The following MAJIN variants were observed in gnomAD, a reference collection of about 807,000 sequenced individuals.
MAJIN encodes membrane anchored junction protein.
A neutral mutation model predicts 30.2 loss-of-function variants in MAJIN; 27 were observed. That is an observed-to-expected ratio of 0.89 (90% CI 0.66 to 1.23). The LOEUF (loss-of-function observed/expected upper bound fraction) is 1.23, where lower values mean the gene tolerates loss of function less well. Ranked by LOEUF, MAJIN falls within the 50% of genes most tolerant of loss-of-function variation. The pLI is 0.00. For synonymous variants in MAJIN, 78 were observed against 91.6 expected, an observed-to-expected ratio of 0.85 and a Z score of 0.85; for missense variants, 253 against 260.3, an observed-to-expected ratio of 0.97 and a Z score of 0.19.
chr11:64,942,665 A>T (rs1490595189), intron 8 of MAJIN, among the ~76,000 whole-genome samples: 1 of 152,098 alleles, frequency 6.6e-6, no homozygotes, highest in Non-Finnish European at 1.5e-5. Flanking sequence ...CTCCTCACAA[A>T]CCGCTCAAAT....
At chr11:64,970,648 AGCC>A (rs1945885770) in intron 1 of MAJIN, among the ~76,000 whole-genome samples, 1 of 151,490 alleles carries the variant, frequency 6.6e-6, no homozygotes, top group Non-Finnish European at 1.5e-5. Flanking sequence ...TACAGGCATG[AGCC>A]ACCGTGCCTG....
chr11:64,940,278 A>G (rs1430648244), intron 9 of MAJIN, among the ~76,000 whole-genome samples: 1 of 152,198 alleles, frequency 6.6e-6, no homozygotes, highest in Admixed American at 6.5e-5. Context: ...ACATTTCTAT[A>G]AAGTTTATCA....
intron 1 of MAJIN, among the ~76,000 whole-genome samples, chr11:64,962,018 C>A (rs868341009): frequency 6.6e-6 from 1 of 152,096 alleles, no homozygotes; most frequent in South Asian, 2.1e-4. Flanking sequence ...AACTCCTGGC[C>A]TCAAGTGATC....
At chr11:64,967,237 G>A (rs1263519140) in intron 1 of MAJIN, among the ~76,000 whole-genome samples, 3 of 151,742 alleles carry the variant, frequency 2.0e-5, no homozygotes, top group Non-Finnish European at 2.9e-5. Context: ...GTGAAAGCCC[G>A]CCTCTACTAG....
At chr11:64,941,851 G>C (rs1945384125) in intron 8 of MAJIN, among the ~76,000 whole-genome samples, 1 of 152,176 alleles carries the variant, frequency 6.6e-6, no homozygotes, top group Non-Finnish European at 1.5e-5. Flanking sequence ...GTCAGTCACA[G>C]CAGGGCATTC....
At chr11:64,970,104 C>G (rs1945874520) in intron 1 of MAJIN, among the ~76,000 whole-genome samples, 1 of 152,052 alleles carries the variant, frequency 6.6e-6, no homozygotes. Flanking sequence ...TGACACTTGC[C>G]TGTAATCCCA....
chr11:64,942,717 A>T (rs1052494114), intron 8 of MAJIN, among the ~76,000 whole-genome samples: 1 of 152,162 alleles, frequency 6.6e-6, no homozygotes, highest in Non-Finnish European at 1.5e-5. Context: ...ATTCCTATAA[A>T]AGCAACAGGG....
intron 4 of MAJIN, among the ~76,000 whole-genome samples, chr11:64,952,516 C>T (rs1319864332): frequency 6.6e-6 from 1 of 152,050 alleles, no homozygotes; most frequent in East Asian, 1.9e-4. Flanking sequence ...ATTAATTTAA[C>T]TCTCACAAAA....
chr11:64,958,220 G>A (rs374357637), intron 3 of MAJIN, among the ~76,000 whole-genome samples: 11 of 151,500 alleles, frequency 7.3e-5, no homozygotes, highest in East Asian at 5.8e-4. Context: ...AAAGTGCTGG[G>A]ATTACAGGCG....
At chr11:64,950,259 G>T (rs1945529413) in intron 5 of MAJIN, 96 bp downstream of exon 5, 1 of 1,040,302 alleles carries the variant, frequency 9.6e-7, no homozygotes, top group Non-Finnish European at 1.4e-6. Flanking sequence ...GAACCTGGGA[G>T]GCTGAGGTTG....
At chr11:64,939,192 G>A (rs1837758690) in intron 10 of MAJIN, among the ~76,000 whole-genome samples, 1 of 152,114 alleles carries the variant, frequency 6.6e-6, no homozygotes, top group South Asian at 2.1e-4. Context: ...CCACCTCCCA[G>A]GTTCAAGCGA....
intron 2 of MAJIN, 139 bp from the exon 3 acceptor site, chr11:64,959,561 A>G (rs1215919718): frequency 1.6e-5 from 10 of 628,614 alleles, no homozygotes; most frequent in Non-Finnish European, 2.5e-5. Context: ...TACCAGGATC[A>G]TCACTTGGAA....
intron 3 of MAJIN, among the ~76,000 whole-genome samples, chr11:64,958,189 C>CG (rs1554972280): frequency 6.7e-6 from 1 of 150,000 alleles, no homozygotes; most frequent in Non-Finnish European, 1.5e-5. Context: ...GATTCACCCC[C>CG]CCGCCCCACC....
rs116085655 is a variant in MAJIN at position 64,959,554 on chromosome 11, C to T, written c.-17-132G>A. Reference sequence around the variant, plus strand: ...ACACTAAGCACTACTGCCTACGTACCAGGATCATCACTTGGAACATTCTCC... The same window carrying T: ...ACACTAAGCACTACTGCCTACGTACTAGGATCATCACTTGGAACATTCTCC... On this transcript the variant is annotated intron_variant, in intron 2 of 10. Transcript: ENST00000301896. 211 of 638,210 alleles carry T rather than the reference C, an allele frequency of 3.3e-4. 1 individual carries two copies. In the African/African-American group the frequency reaches 3.7e-3, roughly 11 times the overall value. 39.5% of individuals were successfully genotyped at this position (638,210 alleles called of 1,614,324 possible).
At chr11:64,959,155 C>T (rs1346487813) in intron 3 of MAJIN, 150 bp downstream of exon 3, 3 of 366,020 alleles carry the variant, frequency 8.2e-6, no homozygotes, top group Non-Finnish European at 1.6e-5. Flanking sequence ...AATATATATA[C>T]TGAATATAAA....
At chr11:64,964,597 A>ATT (rs111965963) in intron 1 of MAJIN, among the ~76,000 whole-genome samples, 14 of 142,908 alleles carry the variant, frequency 9.8e-5, no homozygotes, top group African/African-American at 2.1e-4. Flanking sequence ...GCAAAATTTA[A>ATT]TTTTTTTTTT....
intron 1 of MAJIN, among the ~76,000 whole-genome samples, chr11:64,965,196 TG>T (rs1945787808): frequency 6.6e-6 from 1 of 152,232 alleles, no homozygotes. Context: ...CTGCCCTTTC[TG>T]GTAAGACACA....
chr11:64,970,135 G>A (rs1434863637), intron 1 of MAJIN, among the ~76,000 whole-genome samples: 2 of 151,912 alleles, frequency 1.3e-5, no homozygotes, highest in Non-Finnish European at 2.9e-5. Context: ...AGGCCAAAGT[G>A]GGTGGATCAC....
chr11:64,948,151 T>C (rs904522135), intron 6 of MAJIN, among the ~76,000 whole-genome samples: 2 of 152,072 alleles, frequency 1.3e-5, no homozygotes, highest in Non-Finnish European at 2.9e-5. Context: ...GCCACGATGC[T>C]GTTTTACCTG....
Sources: allele counts gnomAD v4.1 joint callset (sites outside exome capture counted in the v4.1 genomes callset), GRCh38; gene constraint gnomAD v4.1.1; transcripts MANE v1.5; gene names NCBI Gene and HGNC (gene_info 2026-07-23, HGNC 2026-07-21).